The following ERBB4 variants were observed in gnomAD, a reference collection of about 807,000 sequenced individuals.
ERBB4 encodes the protein receptor tyrosine-protein kinase erbB-4.
In ERBB4, 42 loss-of-function variants were observed where a neutral mutation model predicts 158.0. The observed-to-expected ratio is 0.27, with a 90% CI of 0.21 to 0.34. The LOEUF (loss-of-function observed/expected upper bound fraction) is 0.34. Among genes scored for constraint, ERBB4 ranks in the 10% least tolerant of loss-of-function variants. ERBB4 has a pLI of 1.00. For missense variants in ERBB4, 1,333 were observed against 1,624.1 expected (o/e 0.82, Z 3.08); for synonymous variants, 583 against 558.7 (o/e 1.04, Z -0.61).
At chr2:212,054,689 A>G (rs947915818) in intron 2 of ERBB4, among the ~76,000 whole-genome samples, 4 of 152,124 alleles carry the variant, frequency 2.6e-5, no homozygotes, top group Non-Finnish European at 5.9e-5. Flanking sequence ...GCGTGGGGAG[A>G]GCAGAAAAGG....
intron 1 of ERBB4, among the ~76,000 whole-genome samples, chr2:212,168,095 T>A (rs1397680701): frequency 4.6e-5 from 7 of 152,026 alleles, no homozygotes; most frequent in Admixed American, 3.3e-4. Context: ...TTGTCTCATT[T>A]CCCTTTTAAA....
chr2:212,527,957 G>A (rs1020075226), intron 1 of ERBB4, among the ~76,000 whole-genome samples: 1 of 146,954 alleles, frequency 6.8e-6, no homozygotes, highest in African/African-American at 2.5e-5. Context: ...TGTGGTGTTT[G>A]GTTTTTTGTC....
chr2:212,136,152 G>A (rs896890230), intron 1 of ERBB4, among the ~76,000 whole-genome samples: 2 of 152,136 alleles, frequency 1.3e-5, no homozygotes, highest in Non-Finnish European at 1.5e-5. Flanking sequence ...TTCCTGTTAG[G>A]AGAATTTACA....
chr2:211,510,071 A>C (rs768754773), intron 20 of ERBB4, among the ~76,000 whole-genome samples: 27 of 152,280 alleles, frequency 1.8e-4, no homozygotes, highest in Admixed American at 6.5e-4. Context: ...CTACCATTCA[A>C]TCTACTACTG....
intron 1 of ERBB4, among the ~76,000 whole-genome samples, chr2:212,416,578 T>C (rs1018428330): frequency 1.3e-5 from 2 of 152,082 alleles, no homozygotes; most frequent in African/African-American, 4.8e-5. Flanking sequence ...TATATTCGTA[T>C]AAAATACAAA....
chr2:211,645,115 T>C (rs1441883934), intron 16 of ERBB4, among the ~76,000 whole-genome samples: 1 of 151,766 alleles, frequency 6.6e-6, no homozygotes, highest in African/African-American at 2.4e-5. Flanking sequence ...TATTTAGCTA[T>C]TTGCAAACAG....
intron 25 of ERBB4, among the ~76,000 whole-genome samples, chr2:211,407,290 C>T (rs2063166723): frequency 1.3e-5 from 2 of 152,074 alleles, no homozygotes; most frequent in African/African-American, 2.4e-5. Context: ...CCAAGAATAT[C>T]CTGTAGCCTG....
At chr2:212,134,739 AGAG>A (rs2080218420) in intron 1 of ERBB4, among the ~76,000 whole-genome samples, 1 of 133,966 alleles carries the variant, frequency 7.5e-6, no homozygotes. Flanking sequence ...ACTGGAGTGC[AGAG>A]GTGCAATCTC....
rs765044572 is a variant in ERBB4, at chr2:212,039,154, AAAG to A, written c.234+85595_234+85597del. ...ACTAGTTTTGGAGGGCCTGAAAATG[AAAG>A]AAGTAATTTCTGCTTTCATGATACC... On this transcript the variant is annotated intron_variant, in intron 2 of 27. Transcript: ENST00000342788. Among the ~76,000 whole-genome samples, 4 of 152,158 alleles carry A rather than the reference AAAG, an allele frequency of 2.6e-5. No individual in the cohort carries two copies. In the East Asian group the frequency reaches 7.7e-4, roughly 29 times the overall value.
intron 1 of ERBB4, among the ~76,000 whole-genome samples, chr2:212,457,581 T>A (rs570046283): frequency 6.6e-6 from 1 of 152,212 alleles, no homozygotes; most frequent in African/African-American, 2.4e-5. Flanking sequence ...TCACTACCTA[T>A]CACTCTATTG....
At chr2:211,832,578 G>GTA (rs917936783) in intron 3 of ERBB4, among the ~76,000 whole-genome samples, 59 of 136,466 alleles carry the variant, frequency 4.3e-4, no homozygotes, top group East Asian at 6.7e-4. Flanking sequence ...ATGTGTGTGT[G>GTA]TATATATATA....
intron 1 of ERBB4, among the ~76,000 whole-genome samples, chr2:212,191,654 C>T (rs115004417): frequency 1.7e-4 from 15 of 88,366 alleles, no homozygotes; most frequent in South Asian, 2.7e-4. Context: ...ATAACACATG[C>T]GTTATACATG....
chr2:211,744,764 T>C (rs571970388), intron 5 of ERBB4, among the ~76,000 whole-genome samples: 9 of 152,352 alleles, frequency 5.9e-5, no homozygotes, highest in African/African-American at 1.4e-4. Context: ...CTATGAAATA[T>C]ATGCGTCACT....
At chr2:212,072,532 A>G (rs1292577482) in intron 2 of ERBB4, among the ~76,000 whole-genome samples, 1 of 152,024 alleles carries the variant, frequency 6.6e-6, no homozygotes, top group Non-Finnish European at 1.5e-5. Context: ...TCTGGGATGA[A>G]TTCCCTGGAG....
chr2:212,382,859 T>G (rs983108896), intron 1 of ERBB4, among the ~76,000 whole-genome samples: 1 of 151,348 alleles, frequency 6.6e-6, no homozygotes, highest in East Asian at 1.9e-4. Flanking sequence ...CTTTTGTGAA[T>G]TTTTCTGTAC....
At chr2:212,323,452 C>T (rs2087664681) in intron 1 of ERBB4, among the ~76,000 whole-genome samples, 1 of 150,300 alleles carries the variant, frequency 6.7e-6, no homozygotes, top group Non-Finnish European at 1.5e-5. Context: ...GCTTGCTATA[C>T]TTATTGCTCT....
chr2:211,619,250 G>C lies in ERBB4; in HGVS notation c.2228C>G (p.Thr743Ser), dbSNP rs2125847440. 6.2e-7 allele frequency: 1 copy of C among 1,611,592 alleles called. No homozygotes were observed. The highest frequency in any genetic ancestry group is 1.7e-4 in the Middle Eastern group (1 of 6,052). Residue 743 changes from threonine (T) to serine (S), a missense_variant, in exon 19 of 28, where the codon ACT becomes AGT. Physicochemically the swap from Thr to Ser is moderately conservative, Grantham distance 58 (BLOSUM62 1). Coordinates refer to ENST00000342788, the MANE Select transcript of ERBB4 (RefSeq NM_005235.3). ...CTTAATAGCCACAGGAATCTTCACA[G>C]TTTCTCCTTCAGGTACCCAAATACC... ...YKGIWVPEGE[T>S]VKIPVAIKIL... is the part of the protein sequence containing the mutation.
At chr2:211,502,631 CA>C (rs1205166292) in intron 20 of ERBB4, among the ~76,000 whole-genome samples, 1 of 152,030 alleles carries the variant, frequency 6.6e-6, no homozygotes, top group African/African-American at 2.4e-5. Flanking sequence ...TGTGTTTTCT[CA>C]TATTCTTTAT....
intron 25 of ERBB4, among the ~76,000 whole-genome samples, chr2:211,415,674 A>T (rs1448094037): frequency 1.3e-5 from 2 of 152,184 alleles, no homozygotes; most frequent in Non-Finnish European, 2.9e-5. Flanking sequence ...CTAATCTGAG[A>T]GCAAAGTGAT....
Sources: allele counts gnomAD v4.1 joint callset (sites outside exome capture counted in the v4.1 genomes callset), GRCh38; gene constraint gnomAD v4.1.1; transcripts MANE v1.5; gene names NCBI Gene and HGNC (gene_info 2026-07-23, HGNC 2026-07-21).